Variants in DIAPH2 observed in about 807,000 individuals in gnomAD.
DIAPH2 encodes the protein diaphanous related formin 2.
Under a neutral mutation model 92.7 loss-of-function variants are expected in DIAPH2, and 35 were observed. The ratio of observed to expected loss-of-function variants is 0.38; its 90% CI spans 0.29 to 0.50. The LOEUF is 0.50. Ranked by LOEUF, DIAPH2 falls within the 20% of genes least tolerant of loss-of-function variation. The probability of loss-of-function intolerance (pLI) is 0.94; values close to 1 mark genes in which losing one functional copy is unlikely to be tolerated. For missense variants in DIAPH2, 701 were observed against 819.5 expected (o/e 0.86, Z 1.77); for synonymous variants, 301 against 280.4 (o/e 1.07, Z -0.73).
chrX:97,414,249 A>G (rs2069914700), intron 25 of DIAPH2, among the ~76,000 whole-genome samples: 1 of 111,573 alleles, frequency 9.0e-6, no homozygotes, highest in Admixed American at 9.5e-5. Context: ...AAATAATACT[A>G]CACATCTACA....
At chrX:97,302,856 C>T (rs1476571204) in intron 23 of DIAPH2, among the ~76,000 whole-genome samples, 2 of 110,925 alleles carry the variant, frequency 1.8e-5, no homozygotes, top group Admixed American at 9.6e-5. Context: ...CGGTGTCGTG[C>T]GCCTATAGTC....
intron 20 of DIAPH2, among the ~76,000 whole-genome samples, chrX:97,109,432 A>T (rs2066964400): frequency 9.0e-6 from 1 of 111,439 alleles, no homozygotes; most frequent in Admixed American, 9.5e-5. Flanking sequence ...TAAAAAGTAA[A>T]GTGACAGAAG....
In DIAPH2 at chrX:97,601,707, G is replaced by T. The variant is rs1048430251; in HGVS notation, c.*2390G>T. 1 of 112,161 alleles carries T rather than the reference G, an allele frequency of 8.9e-6. No homozygotes were observed. Among genetic ancestry groups the T allele is most frequent in the African/African-American group, 3.2e-5 (1 of 30,862 alleles). 9.2% of individuals were successfully genotyped at this position (112,161 alleles called of 1,213,427 possible). A position where few individuals can be genotyped will look rare whatever the true frequency, so the allele number is the denominator to read the frequency against. On this transcript the variant is annotated 3_prime_UTR_variant, in exon 27 of 27. Transcript: ENST00000324765. ...ATTTTCTTCAGAATATTTTTAAAAGGTACAGAATCCTTAAAATATTAACAA... is the reference window on the plus strand; with the variant it reads ...ATTTTCTTCAGAATATTTTTAAAAGTTACAGAATCCTTAAAATATTAACAA...
intron 26 of DIAPH2, among the ~76,000 whole-genome samples, chrX:97,470,782 C>T (rs2070556024): frequency 9.1e-6 from 1 of 109,584 alleles, no homozygotes; most frequent in South Asian, 4.0e-4. Flanking sequence ...AAGAACATAA[C>T]TGCAGGAAGC....
At chrX:97,518,787 T>C (rs894724542) in intron 26 of DIAPH2, among the ~76,000 whole-genome samples, 3 of 110,832 alleles carry the variant, frequency 2.7e-5, no homozygotes, top group Non-Finnish European at 3.8e-5. Context: ...ATTCTTAATC[T>C]TTTCTCTGTA....
intron 23 of DIAPH2, among the ~76,000 whole-genome samples, chrX:97,337,130 CTTTTTT>C (rs374498749): frequency 9.1e-5 from 9 of 99,149 alleles, no homozygotes; most frequent in African/African-American, 3.3e-4. Flanking sequence ...TCTTTCTTTT[CTTTTTT>C]TTTTTTTATT....
Position 96,726,214 on chromosome X carries a change from TTC to T in DIAPH2, c.133-9536_133-9535del, listed in dbSNP as rs755897671. Among the ~76,000 whole-genome samples, 22 of 105,015 alleles carry T rather than the reference TTC, an allele frequency of 2.1e-4. No homozygotes were observed. In the East Asian group the frequency reaches 7.1e-3, roughly 34 times the overall value. 91.2% of individuals were successfully genotyped at this position (105,015 alleles called of 115,157 possible). ...TTTATCATCTTGCAACTGGATCACA[TTC>T]TCTCTCTGTCGCTCTCTTCCTCTGT... On this transcript the variant is annotated intron_variant, in intron 1 of 26. Transcript: ENST00000324765.
chrX:96,973,798 T>G (rs1485582403), intron 17 of DIAPH2, among the ~76,000 whole-genome samples: 1 of 105,169 alleles, frequency 9.5e-6, no homozygotes, highest in Non-Finnish European at 1.9e-5. Flanking sequence ...CGGGTTCAAG[T>G]GATTCTCCTG....
In DIAPH2 at chrX:96,685,098, G is replaced by C; in HGVS notation, c.40G>C (p.Gly14Arg). ...PGAAASGAGG[G>R]SEEPGGGRSN... The stretch of plus-strand genomic sequence containing the variant: ...GGCGGCGGCGTCGGGAGCGGGAGGC[G>C]GCAGCGAGGAACCCGGTGGGGGCCG... The change falls in exon 1 of 27, where the codon GGC becomes CGC. Residue 14 changes from glycine (G) to arginine (R), a missense_variant. Gly to Arg is a moderately radical substitution (Grantham distance 125). Around this residue, in one of 3 missense-constraint regions of DIAPH2, gnomAD observed 131 missense variants for 145.6 expected, o/e 0.90. Coordinates refer to ENST00000324765, the MANE Select transcript of DIAPH2 (RefSeq NM_006729.5). 18 of 1,014,155 alleles carry C rather than the reference G, an allele frequency of 1.8e-5. No homozygotes were observed. Among genetic ancestry groups the C allele is most frequent in the Non-Finnish European group, 2.3e-5 (18 of 794,551 alleles). The allele number at this position is 1,014,155 out of a possible 1,213,427, so 83.6% of individuals were successfully genotyped here.
At chrX:96,794,536 A>G (rs960071764) in intron 4 of DIAPH2, among the ~76,000 whole-genome samples, 7 of 107,341 alleles carry the variant, frequency 6.5e-5, no homozygotes, top group Non-Finnish European at 1.2e-4. Context: ...AAAAAAAAAA[A>G]GTCTGATAAT....
chrX:96,762,425 T>C (rs191410333), intron 4 of DIAPH2, among the ~76,000 whole-genome samples: 7 of 111,286 alleles, frequency 6.3e-5, no homozygotes, highest in African/African-American at 2.3e-4. Flanking sequence ...GATCTTATAA[T>C]AGAAATGCTA....
At chrX:97,566,619 A>G (rs1389012607) in intron 26 of DIAPH2, among the ~76,000 whole-genome samples, 1 of 112,218 alleles carries the variant, frequency 8.9e-6, no homozygotes, top group Admixed American at 9.5e-5. Flanking sequence ...GGGAAAAGAA[A>G]GAGGTGAAGA....
At position 97,599,293 on chromosome X, in the gene DIAPH2, C is replaced by T. The variant is rs770457609; in HGVS notation, c.3282C>T (p.His1094=). Residue 1094 remains histidine, a synonymous_variant, in exon 27 of 27, where the codon CAC becomes CAT. Coordinates refer to ENST00000324765, the MANE Select transcript of DIAPH2 (RefSeq NM_006729.5). ...CTTTGGAAAGGTCACGCTCTCGCCACAATGGAGCTATCTCATCTAAGTGAT... is the reference window on the plus strand; with the variant it reads ...CTTTGGAAAGGTCACGCTCTCGCCATAATGGAGCTATCTCATCTAAGTGAT... The part of the protein sequence containing the change: ...RVPLERSRSR[H]NGAISSK 34 of 1,192,596 alleles carry T rather than the reference C, an allele frequency of 2.9e-5. No homozygotes were observed. The highest frequency in any genetic ancestry group is 3.7e-5 in the Non-Finnish European group (33 of 882,123).
intron 17 of DIAPH2, among the ~76,000 whole-genome samples, chrX:97,054,659 A>G (rs2066543525): frequency 8.9e-6 from 1 of 111,897 alleles, no homozygotes; most frequent in Admixed American, 9.5e-5. Flanking sequence ...TCTAATAGTG[A>G]GTAATCTGGT....
At chrX:96,896,364 G>A (rs1326387817) in intron 5 of DIAPH2, among the ~76,000 whole-genome samples, 2 of 111,654 alleles carry the variant, frequency 1.8e-5, no homozygotes, top group Admixed American at 1.9e-4. Context: ...TTATGTTGTT[G>A]ATAATATAGT....
chrX:96,760,736 T>C (rs2064262536), intron 4 of DIAPH2, among the ~76,000 whole-genome samples: 1 of 111,087 alleles, frequency 9.0e-6, no homozygotes, highest in African/African-American at 3.3e-5. Context: ...AAAATTAGCA[T>C]GGAAAAGGAG....
chrX:96,696,818 A>G (rs1458534818), intron 1 of DIAPH2, among the ~76,000 whole-genome samples: 1 of 112,249 alleles, frequency 8.9e-6, no homozygotes, highest in African/African-American at 3.2e-5. Context: ...GAACTGTGCA[A>G]GGTCTGGGAT....
chrX:97,115,689 T>C (rs1259617366), intron 21 of DIAPH2, among the ~76,000 whole-genome samples: 1 of 112,285 alleles, frequency 8.9e-6, no homozygotes, highest in Non-Finnish European at 1.9e-5. Flanking sequence ...TACTCTAAGA[T>C]AATAATACTC....
intron 4 of DIAPH2, among the ~76,000 whole-genome samples, chrX:96,771,259 C>T (rs1474994475): frequency 7.2e-5 from 8 of 111,703 alleles, no homozygotes; most frequent in African/African-American, 2.3e-4. Context: ...GTTTTATAAT[C>T]TATCCTGATA....
Sources: allele counts gnomAD v4.1 joint callset (sites outside exome capture counted in the v4.1 genomes callset), GRCh38; gene constraint gnomAD v4.1.1; regional missense constraint gnomAD v4.1.1; transcripts MANE v1.5; gene names NCBI Gene and HGNC (gene_info 2026-07-23, HGNC 2026-07-21).